BMP10: variants seen among roughly 807,000 people sequenced by gnomAD.
The protein encoded by BMP10 is bone morphogenetic protein 10.
BMP10 carries 9 observed loss-of-function variants against 29.9 expected under a neutral mutation model. That is an observed-to-expected ratio of 0.30 (90% CI 0.18 to 0.53). The LOEUF is 0.53. Ranked by LOEUF, BMP10 falls within the 20% of genes least tolerant of loss-of-function variation. The probability of loss-of-function intolerance (pLI) is 0.96; values close to 1 mark genes in which losing one functional copy is unlikely to be tolerated. For synonymous variants in BMP10, 202 were observed against 200.2 expected (o/e 1.01, Z -0.07); for missense variants, 474 against 524.3 (o/e 0.90, Z 0.94).
In BMP10 at chr2:68,861,016, C is replaced by G. The variant is rs1682844750; in HGVS notation, c.*4615G>C. On this transcript the variant is annotated 3_prime_UTR_variant, in exon 2 of 2. Coordinates refer to ENST00000295379, the MANE Select transcript of BMP10 (RefSeq NM_014482.3). ...GTGGGGAGTGTGCAAAATTAAATAC[C>G]TTACCTCAAGGAAAAATAAGCTGCA... Among the ~76,000 whole-genome samples the G allele has an allele frequency of 6.6e-6, 1 of 152,108 alleles. No homozygotes were observed. Among genetic ancestry groups the G allele is most frequent in the East Asian group, 1.9e-4 (1 of 5,194 alleles).
At chr2:68,870,908 T>A in intron 1 of BMP10, 117 bp downstream of exon 1, 1 of 902,876 alleles carries the variant, frequency 1.1e-6, no homozygotes. Flanking sequence ...TATCCATATG[T>A]ATTTAACATC....
chr2:68,865,964 G>T lies in BMP10; in HGVS notation c.942C>A (p.Ile314=), dbSNP rs899981296. 1.2e-6 allele frequency: 2 copies of T among 1,614,054 alleles called. No homozygotes were observed. The highest frequency in any genetic ancestry group is 1.7e-5 in the Admixed American group (1 of 60,002). The change falls in exon 2 of 2, where the codon ATC becomes ATA. Residue 314 remains isoleucine (I), a synonymous_variant. Transcript: ENST00000295379. The surrounding 1 kb of genome is among the most constrained non-coding windows in gnomAD (Gnocchi z 4.7). ...SNIIYDSTAR[I]RRNAKGNYCK... Reference sequence around the variant, plus strand: ...AGTAGTTTCCTTTGGCGTTCCTTCTGATTCGGGCAGTGGAGTCATAGATGA... The same window carrying T: ...AGTAGTTTCCTTTGGCGTTCCTTCTTATTCGGGCAGTGGAGTCATAGATGA...
chr2:68,870,419 G>T (rs72905617), intron 1 of BMP10, among the ~76,000 whole-genome samples: 1,768 of 152,270 alleles, frequency 0.012, 36 homozygotes, highest in African/African-American at 0.04. Flanking sequence ...TGATTAATGG[G>T]CCATCTACAC....
At position 68,866,224 on chromosome 2, in the gene BMP10, G is replaced by C; in HGVS notation, c.682C>G (p.His228Asp). The C allele has an allele frequency of 1.2e-6, 2 of 1,613,996 alleles. No individual in the cohort carries two copies. The highest frequency in any genetic ancestry group is 1.7e-6 in the Non-Finnish European group (2 of 1,179,976). Reference protein sequence around the residue: ...HQLEVHIESKHDEAEDASSGR... With the variant: ...HQLEVHIESKDDEAEDASSGR... ...CTGCTGGCATCCTCAGCTTCATCGT[G>C]TTTGCTCTCAATGTGGACCTCCAGC... is the stretch of plus-strand genomic sequence containing the variant. The change falls in exon 2 of 2, where the codon CAC (histidine) becomes GAC (aspartate). Residue 228 changes from histidine to aspartate, a missense_variant. His to Asp is a moderately conservative substitution (Grantham distance 81). This residue lies in a region of BMP10 where 408 missense variants were observed against 415.3 expected (regional missense o/e 0.98). Coordinates refer to ENST00000295379, the MANE Select transcript of BMP10 (RefSeq NM_014482.3).
In BMP10 at chr2:68,861,679, G is replaced by A. The variant is rs545381513; in HGVS notation, c.*3952C>T. Among the ~76,000 whole-genome samples the A allele has an allele frequency of 2.6e-5, 4 of 152,204 alleles. No homozygotes were observed. The highest frequency in any genetic ancestry group is 9.6e-5 in the African/African-American group (4 of 41,536). On this transcript the variant is annotated 3_prime_UTR_variant, in exon 2 of 2. Transcript: ENST00000295379. ...AAAGGTTTTGCCAGAACACTGCTAG[G>A]CTTCATAATCTGTTGATGAATCAAG...
intron 1 of BMP10, among the ~76,000 whole-genome samples, chr2:68,867,165 T>C (rs1322394990): frequency 6.6e-6 from 1 of 152,226 alleles, no homozygotes; most frequent in African/African-American, 2.4e-5. Flanking sequence ...GAACACAGCC[T>C]CATCCATTGT....
Position 68,863,034 on chromosome 2 carries a change from G to C in BMP10, c.*2597C>G, listed in dbSNP as rs1682889592. Among the ~76,000 whole-genome samples the C allele has an allele frequency of 6.6e-6, 1 of 152,198 alleles. No individual in the cohort carries two copies. The highest frequency in any genetic ancestry group is 6.5e-5 in the Admixed American group (1 of 15,278). ...TTTCTCCAGAAGCCCGGAGCCAGCAGCGCACACAGTGGAAAGCAGGGCTGG... is the reference window on the plus strand; with the variant it reads ...TTTCTCCAGAAGCCCGGAGCCAGCACCGCACACAGTGGAAAGCAGGGCTGG... On this transcript the variant is annotated 3_prime_UTR_variant, in exon 2 of 2. Transcript: ENST00000295379.
rs1682843959 is a variant in BMP10 at position 68,860,946 on chromosome 2, A to C, written c.*4685T>G. ...ACCATTCTTTATTAATATAGCAATT[A>C]GTTTTATTCCATCGGGATATGTTAT... On this transcript the variant is annotated 3_prime_UTR_variant, in exon 2 of 2. Coordinates refer to ENST00000295379, the MANE Select transcript of BMP10 (RefSeq NM_014482.3). Among the ~76,000 whole-genome samples, 7 of 152,248 alleles carry C rather than the reference A, an allele frequency of 4.6e-5. No homozygotes were observed. Among genetic ancestry groups the C allele is most frequent in the Admixed American group, 4.6e-4 (7 of 15,284 alleles).
intron 1 of BMP10, among the ~76,000 whole-genome samples, chr2:68,870,215 AG>A (rs1683041295): frequency 6.6e-6 from 1 of 152,200 alleles, no homozygotes. Context: ...TCTAGATATC[AG>A]GGGTTTTTTT....
chr2:68,871,311 A>T lies in BMP10; in HGVS notation c.48T>A (p.Ala16=), dbSNP rs1558686830. The part of the protein sequence containing the change: ...LTLCALFCLA[A]YLVSGSPIMN... ...TGATGGGGCTGCCAGAAACCAAGTA[A>T]GCTGCCAGGCAGAAAAGAGCGCACA... The change falls in exon 1 of 2, where the codon GCT becomes GCA. Residue 16 remains alanine, a synonymous_variant. Transcript: ENST00000295379. 2.5e-6 allele frequency: 4 copies of T among 1,614,154 alleles called. No homozygotes were observed. The Middle Eastern group carries it at 5.0e-4, about 200-fold the overall frequency.
intron 1 of BMP10, among the ~76,000 whole-genome samples, chr2:68,866,803 G>A (rs1381059501): frequency 6.6e-6 from 1 of 152,172 alleles, no homozygotes; most frequent in South Asian, 2.1e-4. Flanking sequence ...AATGGAAAAT[G>A]GGGGTCTAAT....
chr2:68,861,652 A>T lies in BMP10; in HGVS notation c.*3979T>A, dbSNP rs887456008. On this transcript the variant is annotated 3_prime_UTR_variant, in exon 2 of 2. Coordinates refer to ENST00000295379, the MANE Select transcript of BMP10 (RefSeq NM_014482.3). ...ATCCCTTCTGTGTTCTAGGCAAGTTAAAAAGGTTTTGCCAGAACACTGCTA... is the reference window on the plus strand; with the variant it reads ...ATCCCTTCTGTGTTCTAGGCAAGTTTAAAAGGTTTTGCCAGAACACTGCTA... Among the ~76,000 whole-genome samples, 2 of 152,234 alleles carry T rather than the reference A, an allele frequency of 1.3e-5. No individual in the cohort carries two copies. Among genetic ancestry groups the T allele is most frequent in the African/African-American group, 4.8e-5 (2 of 41,468 alleles).
Position 68,871,056 on chromosome 2 carries a change from A to G in BMP10, c.303T>C (p.Ser101=). ...KFATDRTSMP[S]ANIIRSFKNE... is the part of the protein sequence containing the mutation. ...TCTTGAAACTCCTAATGATGTTGGC[A>G]GAGGGCATGGAGGTCCGATCTGTTG... The change falls in exon 1 of 2, where the codon TCT becomes TCC. Residue 101 remains serine (S), a synonymous_variant. Coordinates refer to ENST00000295379, the MANE Select transcript of BMP10 (RefSeq NM_014482.3). The G allele has an allele frequency of 1.2e-6, 2 of 1,613,378 alleles. No homozygotes were observed. Among genetic ancestry groups the G allele is most frequent in the Non-Finnish European group, 1.7e-6 (2 of 1,179,440 alleles).
At position 68,871,267 on chromosome 2, in the gene BMP10, G is replaced by A. The variant is rs936341266; in HGVS notation, c.92C>T (p.Pro31Leu). Reference sequence around the variant, plus strand: ...AAAGAGGGACATATCTTCTTCCAGAGGAGACTGCTCTAGGTTCATGATGGG... The same window carrying A: ...AAAGAGGGACATATCTTCTTCCAGAAGAGACTGCTCTAGGTTCATGATGGG... The part of the protein sequence containing the change: ...GSPIMNLEQS[P>L]LEEDMSLFGD... Residue 31 changes from proline (P) to leucine (L), a missense_variant, in exon 1 of 2, where the codon CCT becomes CTT. This residue lies in a region of BMP10 where 408 missense variants were observed against 415.3 expected (regional missense o/e 0.98). Coordinates refer to ENST00000295379, the MANE Select transcript of BMP10 (RefSeq NM_014482.3). The A allele has an allele frequency of 2.5e-6, 4 of 1,614,140 alleles. No individual in the cohort carries two copies. The highest frequency in any genetic ancestry group is 3.4e-6 in the Non-Finnish European group (4 of 1,180,010).
intron 1 of BMP10, among the ~76,000 whole-genome samples, chr2:68,869,291 G>A (rs541673874): frequency 2.0e-5 from 3 of 152,124 alleles, no homozygotes; most frequent in African/African-American, 4.8e-5. Flanking sequence ...GGGTAGGTTT[G>A]GAGTTTTTTT....
rs1398886313 is a variant in BMP10, at chr2:68,863,199, GT to G, written c.*2431del. ...TAGGTTTTAGAAGTTTTGCAAGCCA[GT>G]TGACATCACCTTGGCAGCTCAAGAT... On this transcript the variant is annotated 3_prime_UTR_variant, in exon 2 of 2. Coordinates refer to ENST00000295379, the MANE Select transcript of BMP10 (RefSeq NM_014482.3). Among the ~76,000 whole-genome samples the G allele has an allele frequency of 1.3e-5, 2 of 152,216 alleles. No individual in the cohort carries two copies. The highest frequency in any genetic ancestry group is 2.9e-5 in the Non-Finnish European group (2 of 68,030).
In BMP10 at chr2:68,871,219, T is replaced by A; in HGVS notation, c.140A>T (p.Asp47Val). ...GAGCAGTGTGTTAAAGTCGACACCG[T>A]CTTGCTCTGAGAAAACATCACCAAA... ...SLFGDVFSEQ[D>V]GVDFNTLLQS... Residue 47 changes from aspartate (D) to valine (V), a missense_variant, in exon 1 of 2, where the codon GAC (aspartate) becomes GTC (valine). Around this residue, in one of 2 missense-constraint regions of BMP10, gnomAD observed 408 missense variants for 415.3 expected, o/e 0.98. Transcript: ENST00000295379. 1 of 1,614,154 alleles carries A rather than the reference T, an allele frequency of 6.2e-7. No homozygotes were observed. The highest frequency in any genetic ancestry group is 1.1e-5 in the South Asian group (1 of 91,088).
rs1349951165 is a variant in BMP10 at position 68,862,182 on chromosome 2, A to G, written c.*3449T>C. ...ATATTTCCTGGAACATCTACACTTC[A>G]GTTAAAACTGTACTATTTACAAATC... On this transcript the variant is annotated 3_prime_UTR_variant, in exon 2 of 2. Coordinates refer to ENST00000295379, the MANE Select transcript of BMP10 (RefSeq NM_014482.3). 6.6e-6 allele frequency among the ~76,000 whole-genome samples: 1 copy of G among 152,264 alleles called. No homozygotes were observed. Among genetic ancestry groups the G allele is most frequent in the East Asian group, 1.9e-4 (1 of 5,204 alleles).
rs772741994 is a variant in BMP10 at position 68,866,039 on chromosome 2, G to C, written c.867C>G (p.Ser289Arg). 6.2e-7 allele frequency: 1 copy of C among 1,614,070 alleles called. No homozygotes were observed. Among genetic ancestry groups the C allele is most frequent in the Non-Finnish European group, 8.5e-7 (1 of 1,179,972 alleles). The change falls in exon 2 of 2, where the codon AGC becomes AGG. Residue 289 changes from serine (S) to arginine (R), a missense_variant. Physicochemically the swap from Ser to Arg is moderately radical, Grantham distance 110 (BLOSUM62 -1). This residue lies in a region of BMP10 where 408 missense variants were observed against 415.3 expected (regional missense o/e 0.98). Coordinates refer to ENST00000295379, the MANE Select transcript of BMP10 (RefSeq NM_014482.3). ...CCTCTTCCCCAGGTCCACTGGAAAA[G>C]CTATCCAGGCCCAAGTTGTCCAGCT... is the stretch of plus-strand genomic sequence containing the variant. Reference protein sequence around the residue: ...LPELDNLGLDSFSSGPGEEAL... With the variant: ...LPELDNLGLDRFSSGPGEEAL...
Sources: allele counts gnomAD v4.1 joint callset (sites outside exome capture counted in the v4.1 genomes callset), GRCh38; gene constraint gnomAD v4.1.1; regional missense constraint gnomAD v4.1.1; non-coding constraint Gnocchi (gnomAD v3.1); transcripts MANE v1.5; gene names NCBI Gene and HGNC (gene_info 2026-07-23, HGNC 2026-07-21).